Variants in POLR2F observed in about 807,000 individuals in gnomAD.
POLR2F encodes RNA polymerase II, I and III subunit F.
In POLR2F, 12 loss-of-function variants were observed where a neutral mutation model predicts 22.7. The observed-to-expected ratio is 0.53, with a 90% CI of 0.34 to 0.86. The LOEUF (loss-of-function observed/expected upper bound fraction) is 0.86. Ranked by LOEUF, POLR2F falls within the 40% of genes least tolerant of loss-of-function variation. The probability of loss-of-function intolerance (pLI) is 0.02; values close to 1 mark genes in which losing one functional copy is unlikely to be tolerated. For missense variants in POLR2F, 126 were observed against 171.5 expected (o/e 0.73, Z 1.48); for synonymous variants, 57 against 66.0 (o/e 0.86, Z 0.66).
At chr22:37,960,215 G>A (rs1931574723) in intron 3 of POLR2F, among the ~76,000 whole-genome samples, 1 of 151,208 alleles carries the variant, frequency 6.6e-6, no homozygotes, top group African/African-American at 2.4e-5. Context: ...CTGGGCTCAA[G>A]CAATTTTCTT....
At chr22:37,977,843 C>G (rs754392075) in intron 4 of POLR2F, 12 of 1,597,488 alleles carry the variant, frequency 7.5e-6, no homozygotes, top group Non-Finnish European at 9.4e-6. Context: ...TTGCCCCACC[C>G]TCAGCTCTGT....
intron 1 of POLR2F, among the ~76,000 whole-genome samples, chr22:38,024,107 G>C (rs1472648955): frequency 6.6e-6 from 1 of 152,104 alleles, no homozygotes; most frequent in East Asian, 1.9e-4. Flanking sequence ...GCCTCCCAAA[G>C]TGCTGGGATT....
At chr22:37,985,662 C>T (rs1337449897), upstream of POLR2F, among the ~76,000 whole-genome samples, 1 of 152,138 alleles carries the variant, frequency 6.6e-6, no homozygotes, top group Non-Finnish European at 1.5e-5. Flanking sequence ...CAAGACCACC[C>T]CAAGGGGTCC....
intron 3 of POLR2F, among the ~76,000 whole-genome samples, chr22:37,961,784 G>C (rs899719655): frequency 5.3e-5 from 8 of 152,170 alleles, no homozygotes; most frequent in African/African-American, 1.9e-4. Context: ...GAGTAGGTGA[G>C]GGGACAGAGC....
At chr22:37,993,413 G>A (rs1464156301) in intron 1 of POLR2F, among the ~76,000 whole-genome samples, 2 of 152,192 alleles carry the variant, frequency 1.3e-5, no homozygotes, top group Non-Finnish European at 2.9e-5. Flanking sequence ...CCGGTTTACT[G>A]CTGTCCCTTA....
intron 5 of POLR2F, among the ~76,000 whole-genome samples, chr22:38,039,330 G>A (rs1359090275): frequency 6.6e-6 from 1 of 152,208 alleles, no homozygotes. Flanking sequence ...AGAGTCTGCC[G>A]TCCGGGGACA....
At chr22:38,036,654 G>A (rs1474643623) in intron 5 of POLR2F, among the ~76,000 whole-genome samples, 1 of 151,836 alleles carries the variant, frequency 6.6e-6, no homozygotes, top group African/African-American at 2.4e-5. Context: ...GCCAAGAACT[G>A]TGGGTCTCTC....
intron 5 of POLR2F, among the ~76,000 whole-genome samples, chr22:38,038,593 T>G (rs996884195): frequency 5.9e-5 from 9 of 151,846 alleles, no homozygotes; most frequent in Non-Finnish European, 1.2e-4. Context: ...TGGGGTTAAA[T>G]CTCTCCCTGT....
chr22:37,973,964 C>T (rs150327222), downstream of POLR2F: 19 of 1,611,792 alleles, frequency 1.2e-5, no homozygotes, highest in African/African-American at 2.1e-4. Flanking sequence ...TGAGTAGCTG[C>T]TCACATGGCC....
chr22:38,022,568 A>AAAAAG (rs2084969723), intron 1 of POLR2F, among the ~76,000 whole-genome samples: 1 of 151,114 alleles, frequency 6.6e-6, no homozygotes, highest in Non-Finnish European at 1.5e-5. Flanking sequence ...AAAAAAAAAA[A>AAAAAG]AAAGAAAGAA....
intron 1 of POLR2F, among the ~76,000 whole-genome samples, chr22:38,008,577 A>G (rs144935729): frequency 7.0e-4 from 101 of 144,872 alleles, no homozygotes; most frequent in Non-Finnish European, 1.2e-3. Flanking sequence ...CAACAACAAC[A>G]AAACATTAAA....
Position 37,959,424 on chromosome 22 carries a change from A to G in POLR2F, c.169A>G (p.Met57Val), listed in dbSNP as rs1931535492. 1 of 1,614,118 alleles carries G rather than the reference A, an allele frequency of 6.2e-7. No homozygotes were observed. The highest frequency in any genetic ancestry group is 8.5e-7 in the Non-Finnish European group (1 of 1,179,984). ...ANQKRITTPY[M>V]TKYERARVLG... The stretch of plus-strand genomic sequence containing the variant: ...CCAGAAGCGAATCACCACACCATAC[A>G]TGACCAAGTACGAGCGAGCCCGCGT... The change falls in exon 3 of 5, where the codon ATG (methionine) becomes GTG (valine). Residue 57 changes from methionine (M) to valine (V), a missense_variant. Transcript: ENST00000442738.
At chr22:37,962,969 C>T (rs1931707216) in intron 3 of POLR2F, among the ~76,000 whole-genome samples, 1 of 151,670 alleles carries the variant, frequency 6.6e-6, no homozygotes, top group South Asian at 2.1e-4. Flanking sequence ...GGATTACAGG[C>T]GTGAGCCACT....
At chr22:37,972,458 T>C (rs1932088948), downstream of POLR2F, 1 of 345,990 alleles carries the variant, frequency 2.9e-6, no homozygotes, top group Non-Finnish European at 5.7e-6. Context: ...AACAGGAAAA[T>C]AGGGGCAGAT....
At chr22:37,996,476 A>G (rs2084715313) in intron 1 of POLR2F, among the ~76,000 whole-genome samples, 1 of 152,184 alleles carries the variant, frequency 6.6e-6, no homozygotes. Context: ...CCTCTCCCTC[A>G]TTTGGTTTCT....
intron 1 of POLR2F, among the ~76,000 whole-genome samples, chr22:38,006,724 C>T (rs1347710839): frequency 2.0e-5 from 3 of 152,188 alleles, no homozygotes; most frequent in Non-Finnish European, 2.9e-5. Context: ...GGGGGAAGGA[C>T]AGGGAACAGA....
intron 1 of POLR2F, among the ~76,000 whole-genome samples, chr22:37,991,020 G>A (rs1386480126): frequency 6.6e-6 from 1 of 152,192 alleles, no homozygotes; most frequent in Non-Finnish European, 1.5e-5. Flanking sequence ...GGTGGTTCAC[G>A]CCTGTAATCC....
chr22:38,021,775 T>C (rs2084962129), intron 1 of POLR2F, among the ~76,000 whole-genome samples: 1 of 151,858 alleles, frequency 6.6e-6, no homozygotes, highest in Admixed American at 6.6e-5. Flanking sequence ...TGATTATGCG[T>C]CCTTCTCAGT....
In POLR2F at chr22:38,021,477, T is replaced by C; in HGVS notation, c.121-4392T>C. On this transcript the variant is annotated intron_variant, in intron 1 of 2. Transcript: ENST00000333418. ...CTCCAATGATCTAAGCAGCTGTCCC[T>C]GACCTTTTTCTTTTTTGAGCCCAGG... Among the ~76,000 whole-genome samples the C allele has an allele frequency of 1.3e-5, 2 of 152,174 alleles. 1 individual carries two copies. The highest frequency in any genetic ancestry group is 2.9e-5 in the Non-Finnish European group (2 of 68,034).
Sources: allele counts gnomAD v4.1 joint callset (sites outside exome capture counted in the v4.1 genomes callset), GRCh38; gene constraint gnomAD v4.1.1; transcripts MANE v1.5; gene names NCBI Gene and HGNC (gene_info 2026-07-23, HGNC 2026-07-21).